MED27: variants seen among roughly 807,000 people sequenced by gnomAD.
The protein encoded by MED27 is mediator complex subunit 27.
MED27 carries 30 observed loss-of-function variants against 38.2 expected under a neutral mutation model. The observed-to-expected ratio is 0.79, with a 90% confidence interval of 0.59 to 1.07. The LOEUF is 1.07. Among genes scored for constraint, MED27 ranks in the 50% least tolerant of loss-of-function variants. The pLI is 0.00. For missense variants in MED27, 289 were observed against 397.5 expected (o/e 0.73, Z 2.32); for synonymous variants, 122 against 153.5 (o/e 0.79, Z 1.52).
At chr9:132,032,992 T>C (rs942185389) in intron 2 of MED27, among the ~76,000 whole-genome samples, 3 of 152,224 alleles carry the variant, frequency 2.0e-5, no homozygotes, top group African/African-American at 4.8e-5. Flanking sequence ...GGTAGCAACA[T>C]TTTTTCTTAT....
chr9:131,911,262 T>C (rs970129200), intron 4 of MED27, among the ~76,000 whole-genome samples: 1 of 152,206 alleles, frequency 6.6e-6, no homozygotes, highest in Non-Finnish European at 1.5e-5. Flanking sequence ...GGGAAAACAG[T>C]ACCACTAAAC....
At chr9:132,048,181 A>AT (rs1833382181) in intron 2 of MED27, among the ~76,000 whole-genome samples, 1 of 152,188 alleles carries the variant, frequency 6.6e-6, no homozygotes, top group Admixed American at 6.5e-5. Context: ...CAAAATAATA[A>AT]TTTTTCTTCT....
intron 4 of MED27, among the ~76,000 whole-genome samples, chr9:131,901,531 AG>A (rs1220637672): frequency 6.6e-6 from 1 of 152,192 alleles, no homozygotes; most frequent in Non-Finnish European, 1.5e-5. Flanking sequence ...AATGTGCTTG[AG>A]GAACGGAGGG....
intron 3 of MED27, among the ~76,000 whole-genome samples, chr9:131,990,812 A>G (rs1443744961): frequency 1.3e-5 from 2 of 152,214 alleles, no homozygotes; most frequent in Admixed American, 6.5e-5. Context: ...CAATAATCCC[A>G]TGGCCCACCT....
chr9:132,017,775 G>C (rs952934534), intron 2 of MED27, among the ~76,000 whole-genome samples: 3 of 152,012 alleles, frequency 2.0e-5, no homozygotes, highest in Admixed American at 6.6e-5. Context: ...GAATGACCTA[G>C]GATTTTTCTA....
intron 1 of MED27, 145 bp from the exon 2 acceptor site, chr9:132,077,731 T>C: frequency 9.2e-6 from 7 of 761,610 alleles, no homozygotes; most frequent in Non-Finnish European, 1.4e-5. Flanking sequence ...TAAAAAATAC[T>C]TGGGACACTT....
At chr9:132,033,759 C>G (rs1328979001) in intron 2 of MED27, among the ~76,000 whole-genome samples, 1 of 152,306 alleles carries the variant, frequency 6.6e-6, no homozygotes, top group South Asian at 2.1e-4. Context: ...CTGTGTGTCT[C>G]CAGATTCTAT....
intron 3 of MED27, among the ~76,000 whole-genome samples, chr9:132,012,967 A>G (rs1283139712): frequency 6.6e-6 from 1 of 152,232 alleles, no homozygotes; most frequent in Non-Finnish European, 1.5e-5. Context: ...ATATATGCCA[A>G]CACTCCCTTG....
chr9:131,975,555 C>T (rs1245662116), intron 3 of MED27, among the ~76,000 whole-genome samples: 2 of 152,190 alleles, frequency 1.3e-5, no homozygotes, highest in African/African-American at 2.4e-5. Context: ...AGCAGTGGTC[C>T]AGTCATTCAT....
In MED27 at chr9:131,893,960, G is replaced by A. The variant is rs199533092; in HGVS notation, c.606C>T (p.Val202=). The A allele has an allele frequency of 1.2e-5, 20 of 1,614,000 alleles. No individual in the cohort carries two copies. Among genetic ancestry groups the A allele is most frequent in the Admixed American group, 1.7e-5 (1 of 59,994 alleles). Residue 202 remains valine, a synonymous_variant, in exon 5 of 8, where the codon GTC becomes GTT. Transcript: ENST00000292035. ...VTLGKVLKVI[V]VMRSLFIDRT... ...GATCAATGAACAGGCTCCGCATGACGACGATCACTTTCAACACCTTTCCCA... is the reference window on the plus strand; with the variant it reads ...GATCAATGAACAGGCTCCGCATGACAACGATCACTTTCAACACCTTTCCCA...
intron 4 of MED27, among the ~76,000 whole-genome samples, chr9:131,896,771 G>A (rs532096248): frequency 4.9e-4 from 75 of 151,790 alleles, no homozygotes; most frequent in South Asian, 2.1e-4. Flanking sequence ...TTGCTCTGTC[G>A]CCCAGGCTGG....
chr9:131,901,575 C>CA (rs1286795728), intron 4 of MED27, among the ~76,000 whole-genome samples: 1 of 152,194 alleles, frequency 6.6e-6, no homozygotes, highest in Non-Finnish European at 1.5e-5. Flanking sequence ...CTGTCTGGCA[C>CA]AACCAGAAAA....
intron 3 of MED27, among the ~76,000 whole-genome samples, chr9:131,990,220 C>T (rs557153136): frequency 6.6e-6 from 1 of 152,266 alleles, no homozygotes; most frequent in Non-Finnish European, 1.5e-5. Flanking sequence ...CTTAACAATG[C>T]TTTTTCTTCC....
intron 2 of MED27, among the ~76,000 whole-genome samples, chr9:132,026,785 A>AT (rs1832831426): frequency 6.6e-6 from 1 of 151,984 alleles, no homozygotes; most frequent in African/African-American, 2.4e-5. Context: ...ATAAAAAAAA[A>AT]AATAATAACA....
intron 3 of MED27, among the ~76,000 whole-genome samples, chr9:131,993,224 A>G (rs529634270): frequency 2.4e-5 from 3 of 126,436 alleles, no homozygotes; most frequent in African/African-American, 7.9e-5. Flanking sequence ...ATCAGTTGTT[A>G]TTCATGTTTT....
At chr9:132,071,313 C>T (rs1347292743) in intron 2 of MED27, among the ~76,000 whole-genome samples, 6 of 152,116 alleles carry the variant, frequency 3.9e-5, no homozygotes, top group Non-Finnish European at 8.8e-5. Context: ...AGCACACACA[C>T]GAGAAACAGG....
At chr9:131,950,402 C>A (rs1830970172) in intron 3 of MED27, among the ~76,000 whole-genome samples, 1 of 152,228 alleles carries the variant, frequency 6.6e-6, no homozygotes, top group Non-Finnish European at 1.5e-5. Flanking sequence ...GCTTTCCCTC[C>A]CGTGCCCAGG....
intron 3 of MED27, among the ~76,000 whole-genome samples, chr9:131,966,217 A>C (rs1476637496): frequency 7.2e-6 from 1 of 138,234 alleles, no homozygotes; most frequent in African/African-American, 2.9e-5. Context: ...AAAAAAAAAC[A>C]AAACAAAACC....
intron 3 of MED27, among the ~76,000 whole-genome samples, chr9:131,981,802 G>A (rs758082497): frequency 6.6e-6 from 1 of 152,170 alleles, no homozygotes; most frequent in Non-Finnish European, 1.5e-5. Context: ...GGCCAAGGAG[G>A]CAACGCACTC....
Sources: allele counts gnomAD v4.1 joint callset (sites outside exome capture counted in the v4.1 genomes callset), GRCh38; gene constraint gnomAD v4.1.1; transcripts MANE v1.5; gene names NCBI Gene and HGNC (gene_info 2026-07-23, HGNC 2026-07-21).